Variants in BNIP1 observed in about 807,000 individuals in gnomAD.
BNIP1 encodes the protein vesicle transport protein SEC20.
In BNIP1, 25 loss-of-function variants were observed where a neutral mutation model predicts 28.5. The observed-to-expected ratio is 0.88, with a 90% CI of 0.64 to 1.23. The LOEUF (loss-of-function observed/expected upper bound fraction) is 1.23, where lower values mean the gene tolerates loss of function less well. Among genes scored for constraint, BNIP1 ranks in the 50% most tolerant of loss-of-function variants. The pLI is 0.00. For synonymous variants in BNIP1, 118 were observed against 101.7 expected, an observed-to-expected ratio of 1.16 and a Z score of -0.96; for missense variants, 276 against 277.0, an observed-to-expected ratio of 1.00 and a Z score of 0.02.
chr5:173,161,013 G>A (rs928694031), intron 5 of BNIP1: 3 of 360,066 alleles, frequency 8.3e-6, no homozygotes, highest in Non-Finnish European at 1.6e-5. Flanking sequence ...AATTGCACAC[G>A]TGGACAAAAG....
In BNIP1 at chr5:173,160,239, C is replaced by CT. The variant is rs10693152; in HGVS notation, c.490+200dup. On this transcript the variant is annotated intron_variant, in intron 5 of 5. Coordinates refer to ENST00000351486, the MANE Select transcript of BNIP1 (RefSeq NM_001205.3). ...TGTGGGATGTGCTGCTCCTATTTCT[C>CT]TTTTTTTTTTTTGAGATGGAGTTTC... Among the ~76,000 whole-genome samples the CT allele has an allele frequency of 3.1e-3, 452 of 145,696 alleles. 5 individuals carry two copies. The highest frequency in any genetic ancestry group is 6.2e-3 in the East Asian group (31 of 5,006).
intron 2 of BNIP1, among the ~76,000 whole-genome samples, chr5:173,148,417 C>T (rs553611358): frequency 6.6e-6 from 1 of 152,080 alleles, no homozygotes; most frequent in South Asian, 2.1e-4. Context: ...TCAAGGCTGC[C>T]ATCTGGGCAT....
chr5:173,144,768 C>G (rs1288111343), intron 1 of BNIP1, 139 bp downstream of exon 1: 5 of 849,332 alleles, frequency 5.9e-6, no homozygotes, highest in Non-Finnish European at 9.0e-6. Flanking sequence ...TCGGCTACCC[C>G]CCCGGTCCCC....
At chr5:173,153,198 G>A (rs1395460157) in intron 2 of BNIP1, among the ~76,000 whole-genome samples, 1 of 151,608 alleles carries the variant, frequency 6.6e-6, no homozygotes, top group Non-Finnish European at 1.5e-5. Context: ...TTAGCTTCCC[G>A]CCAGGTCTCC....
chr5:173,148,530 G>C (rs1431858141), intron 2 of BNIP1, among the ~76,000 whole-genome samples: 1 of 152,108 alleles, frequency 6.6e-6, no homozygotes, highest in African/African-American at 2.4e-5. Flanking sequence ...GAGTTGGAAG[G>C]ATGACTGCAT....
intron 2 of BNIP1, among the ~76,000 whole-genome samples, chr5:173,152,118 G>T (rs1360255771): frequency 6.6e-6 from 1 of 152,176 alleles, no homozygotes; most frequent in Non-Finnish European, 1.5e-5. Context: ...GGAATTTGAG[G>T]ACTGCTCTCC....
chr5:173,157,378 G>T (rs255296), intron 3 of BNIP1, among the ~76,000 whole-genome samples: 96,693 of 151,912 alleles, frequency 0.64, 31,192 homozygotes, highest in Middle Eastern at 0.7. Flanking sequence ...TTAGAGAGAC[G>T]CAGTTAGCTT....
chr5:173,157,674 CAA>C (rs1581078833), intron 3 of BNIP1, among the ~76,000 whole-genome samples: 1 of 151,824 alleles, frequency 6.6e-6, no homozygotes, highest in Non-Finnish European at 1.5e-5. Context: ...CTCGGCCTCT[CAA>C]AGTGTTGGGA....
intron 4 of BNIP1, 150 bp from the exon 5 acceptor site, chr5:173,159,783 C>T: frequency 2.7e-6 from 2 of 731,180 alleles, no homozygotes; most frequent in Non-Finnish European, 4.7e-6. Context: ...GCGTGGGTCT[C>T]AGCACACCCT....
At chr5:173,151,777 T>C in intron 2 of BNIP1, 2 of 1,577,118 alleles carry the variant, frequency 1.3e-6, no homozygotes, top group Non-Finnish European at 1.7e-6. Context: ...ACCTCACCAA[T>C]ACGTGTACAT....
At chr5:173,153,985 T>C (rs255293) in intron 2 of BNIP1, among the ~76,000 whole-genome samples, 96,769 of 152,058 alleles carry the variant, frequency 0.64, 31,199 homozygotes, top group Middle Eastern at 0.7. Flanking sequence ...TCAGTGTGCT[T>C]GTATTTCGTC....
rs1561593551 is a variant in BNIP1, at chr5:173,148,136, A to ATT, written c.177+1181_177+1182dup. 1.4e-4 allele frequency among the ~76,000 whole-genome samples: 14 copies of ATT among 97,292 alleles called. No homozygotes were observed. In the South Asian group the frequency reaches 2.8e-3, roughly 20 times the overall value. The allele number at this position is 97,292 out of a possible 152,430, so 63.8% of individuals were successfully genotyped here. On this transcript the variant is annotated intron_variant, in intron 2 of 5. Coordinates refer to ENST00000351486, the MANE Select transcript of BNIP1 (RefSeq NM_001205.3). ...TATATATATATATATATATATATAT[A>ATT]TTTTAATAGAGATGGATTTTTTGCT...
intron 2 of BNIP1, among the ~76,000 whole-genome samples, chr5:173,147,226 G>A (rs1044623399): frequency 6.6e-6 from 1 of 151,864 alleles, no homozygotes; most frequent in Non-Finnish European, 1.5e-5. Context: ...CTAACACGGT[G>A]AAGCCCGTCT....
intron 2 of BNIP1, chr5:173,151,794 AT>A: frequency 6.5e-7 from 1 of 1,534,242 alleles, no homozygotes; most frequent in East Asian, 2.3e-5. Context: ...ACATTTACAT[AT>A]TTATTATGGC....
intron 3 of BNIP1, among the ~76,000 whole-genome samples, chr5:173,156,475 T>C (rs1441403433): frequency 6.6e-6 from 1 of 150,504 alleles, no homozygotes; most frequent in Non-Finnish European, 1.5e-5. Flanking sequence ...AAACCTCATC[T>C]ATTAAAAAAA....
rs781399578 is a variant in BNIP1 at position 173,158,822 on chromosome 5, G to C, written c.348G>C (p.Gln116His). The C allele has an allele frequency of 1.2e-5, 20 of 1,613,860 alleles. No homozygotes were observed. In the South Asian group the frequency reaches 2.1e-4, roughly 17 times the overall value. Residue 116 changes from glutamine (Q) to histidine (H), a missense_variant, in exon 4 of 6, where the codon CAG (glutamine) becomes CAC (histidine). Physicochemically the swap from Gln to His is conservative, Grantham distance 24. Transcript: ENST00000351486. ...ATCTAGAGAAAGCAGAACTTCTTCA[G>C]GGAGGAGATCTCTTAAGGCAAAGGT... ...IDNLEKAELL[Q>H]GGDLLRQRKT...
At chr5:173,163,655 C>A in intron 5 of BNIP1, 70 bp from the exon 6 acceptor site, 1 of 1,411,782 alleles carries the variant, frequency 7.1e-7, no homozygotes, top group South Asian at 1.4e-5. Flanking sequence ...AGCACCCCAG[C>A]CAGCAGAGTG....
At chr5:173,151,831 T>C (rs773136064) in intron 2 of BNIP1, 52 of 1,307,378 alleles carry the variant, frequency 4.0e-5, no homozygotes, top group Non-Finnish European at 4.9e-5. Context: ...AATAAGCACA[T>C]GGCCAGTAAA....
At chr5:173,159,463 C>T (rs1404965300) in intron 4 of BNIP1, among the ~76,000 whole-genome samples, 5 of 138,936 alleles carry the variant, frequency 3.6e-5, no homozygotes, top group African/African-American at 5.4e-5. Flanking sequence ...TGTTTCAGCA[C>T]AAAAGTTGTT....
Sources: gnomAD v4.1 joint callset for allele counts (sites outside exome capture counted in the v4.1 genomes callset) on GRCh38, gnomAD v4.1.1 for gene constraint, MANE v1.5 for transcripts, NCBI Gene and HGNC (gene_info 2026-07-23, HGNC 2026-07-21) for gene names.